The following NRXN2 variants were observed in gnomAD, a reference collection of about 807,000 sequenced individuals.
NRXN2 encodes the protein neurexin-2-beta.
A neutral mutation model predicts 128.8 loss-of-function variants in NRXN2; 29 were observed. That is an observed-to-expected ratio of 0.23 (90% CI 0.17 to 0.31). The LOEUF is 0.31. Among genes scored for constraint, NRXN2 ranks in the 10% least tolerant of loss-of-function variants. NRXN2 has a pLI of 1.00. For missense variants in NRXN2, 1,881 were observed against 2,452.6 expected (o/e 0.77, Z 4.92); for synonymous variants, 1,098 against 1,075.2 (o/e 1.02, Z -0.41).
At position 64,609,761 on chromosome 11, in the gene NRXN2, G is replaced by A. The variant is rs188654588; in HGVS notation, c.4253-1679C>T. Among the ~76,000 whole-genome samples, 483 of 152,280 alleles carry A rather than the reference G, an allele frequency of 3.2e-3. 5 individuals carry two copies. The highest frequency in any genetic ancestry group is 2.2e-3 in the Non-Finnish European group (148 of 68,008). On this transcript the variant is annotated intron_variant, in intron 22 of 22. Transcript: ENST00000265459. ...CAGGGGCACCTCTGGGCCTGACGAG[G>A]GTTGGAGGTTTCCTCTCTGGCTCTC...
chr11:64,713,459 G>T lies in NRXN2; in HGVS notation c.241C>A (p.Leu81Met). ...DGGDCDFLEL[L>M]LVDGRLRLRF... ...AGCCGCAGGCGGCCGTCCACCAGCA[G>T]CAGCTCCAGGAAGTCGCAGTCGCCG... The change falls in exon 2 of 23, where the codon CTG becomes ATG. Residue 81 changes from leucine (L) to methionine (M), a missense_variant. By Grantham distance (15) the Leu-to-Met change is conservative. Transcript: ENST00000265459. The T allele has an allele frequency of 6.5e-7, 1 of 1,529,048 alleles. No homozygotes were observed. The allele number at this position is 1,529,048 out of a possible 1,614,324, so 94.7% of individuals were successfully genotyped here. A position where few individuals can be genotyped will look rare whatever the true frequency, so the allele number is the denominator to read the frequency against.
intron 2 of NRXN2, among the ~76,000 whole-genome samples, chr11:64,701,516 A>C (rs2055352322): frequency 6.6e-6 from 1 of 152,092 alleles, no homozygotes; most frequent in African/African-American, 2.4e-5. Flanking sequence ...CGGTGGGAGG[A>C]TCACTTGAGC....
intron 17 of NRXN2, chr11:64,642,861 G>C (rs1257251084): frequency 2.9e-6 from 3 of 1,038,036 alleles, no homozygotes; most frequent in Non-Finnish European, 2.3e-6. Context: ...ACGCGGGGCT[G>C]CGCAGCCCCG....
intron 1 of NRXN2, among the ~76,000 whole-genome samples, chr11:64,722,157 G>A (rs1015091574): frequency 6.6e-6 from 1 of 151,978 alleles, no homozygotes. Context: ...CTTTAGGGGT[G>A]GGGGAGCAAG....
At chr11:64,707,030 C>T (rs1203349329) in intron 2 of NRXN2, among the ~76,000 whole-genome samples, 6 of 149,754 alleles carry the variant, frequency 4.0e-5, no homozygotes, top group Non-Finnish European at 5.9e-5. Flanking sequence ...CAGCTCACTG[C>T]GACCTCCACC....
intron 18 of NRXN2, among the ~76,000 whole-genome samples, chr11:64,634,901 G>T (rs764824089): frequency 6.6e-6 from 1 of 152,200 alleles, no homozygotes; most frequent in Non-Finnish European, 1.5e-5. Context: ...GAGTGAGCAG[G>T]CAGCAGCCCA....
rs1196377117 is a variant in NRXN2 at position 64,688,774 on chromosome 11, G to C, written c.850+1631C>G. 5 of 985,228 alleles carry C rather than the reference G, an allele frequency of 5.1e-6. 1 individual carries two copies. Among genetic ancestry groups the C allele is most frequent in the Non-Finnish European group, 1.2e-6 (1 of 829,926 alleles). The allele number at this position is 985,228 out of a possible 1,614,324, so 61.0% of individuals were successfully genotyped here. ...GCTAGAGACTAGTTGTTGTGGTCCT[G>C]CATTTCTGAGAACCATGCATGAGGG... is the stretch of plus-strand genomic sequence containing the variant. On this transcript the variant is annotated intron_variant, in intron 5 of 22. Transcript: ENST00000265459.
In NRXN2 at chr11:64,651,979, G is replaced by A; in HGVS notation, c.2536+56C>T. ...CAGGCAGTAGTCACCAAGTAGAACA[G>A]GGCCAAGCATAGGTCACTGGAGATG... On this transcript the variant is annotated intron_variant, in intron 13 of 22. Transcript: ENST00000265459. This position sits in a 1 kb window ranked among gnomAD's most constrained non-coding sequence, Gnocchi z 5.9. 6.2e-7 allele frequency: 1 copy of A among 1,603,112 alleles called. No homozygotes were observed. The highest frequency in any genetic ancestry group is 8.5e-7 in the Non-Finnish European group (1 of 1,179,584).
chr11:64,668,754 G>C (rs1343830123), intron 7 of NRXN2, 150 bp from the exon 8 acceptor site: 1 of 814,384 alleles, frequency 1.2e-6, no homozygotes, highest in Middle Eastern at 2.4e-4. Context: ...GAGGAACAGT[G>C]GGGGAAGAGA....
At chr11:64,719,495 G>A (rs1344012414) in intron 1 of NRXN2, among the ~76,000 whole-genome samples, 1 of 152,208 alleles carries the variant, frequency 6.6e-6, no homozygotes, top group Non-Finnish European at 1.5e-5. Flanking sequence ...TCTGCAGGTC[G>A]CCAAGCAGCT....
intron 7 of NRXN2, among the ~76,000 whole-genome samples, chr11:64,670,453 TCAGGGATAAGA>T (rs1310460769): frequency 2.0e-5 from 3 of 151,868 alleles, no homozygotes; most frequent in South Asian, 4.2e-4. Flanking sequence ...GGATGAAAGG[TCAGGGATAAGA>T]CAGGGAGTGG....
intron 3 of NRXN2, 22 bp from the exon 4 acceptor site, chr11:64,692,898 A>C: frequency 6.4e-7 from 1 of 1,570,022 alleles, no homozygotes; most frequent in Non-Finnish European, 8.8e-7. Context: ...GAAGGAGAGA[A>C]AGAAAGAAAG....
Position 64,667,798 on chromosome 11 carries a change from C to A in NRXN2, c.1360-110G>T. ...GACCCAGCCACCCACCCCTGTAGCC[C>A]CTGCTCAGTTCCACCAGACCACCCG... On this transcript the variant is annotated intron_variant, in intron 8 of 22. Coordinates refer to ENST00000265459, the MANE Select transcript of NRXN2 (RefSeq NM_015080.4). The surrounding 1 kb of genome is among the most constrained non-coding windows in gnomAD (Gnocchi z 5.6). 1 of 1,004,862 alleles carries A rather than the reference C, an allele frequency of 1.0e-6. No homozygotes were observed. 62.2% of individuals were successfully genotyped at this position (1,004,862 alleles called of 1,614,324 possible). A position where few individuals can be genotyped will look rare whatever the true frequency, so the allele number is the denominator to read the frequency against.
intron 2 of NRXN2, chr11:64,712,725 G>T: frequency 1.5e-6 from 1 of 657,250 alleles, no homozygotes; most frequent in East Asian, 3.1e-5. Context: ...GCTGCCCACA[G>T]GTCGCCGCAG....
At chr11:64,653,774 C>CA (rs921482324) in intron 11 of NRXN2, 52 bp from the exon 12 acceptor site, 1 of 1,319,858 alleles carries the variant, frequency 7.6e-7, no homozygotes, top group Non-Finnish European at 1.1e-6. Flanking sequence ...AAAGGTAAAA[C>CA]AAGTTTTTTT....
chr11:64,651,382 G>C lies in NRXN2; in HGVS notation c.2791C>G (p.Leu931Val). Reference sequence around the variant, plus strand: ...GAAGCATAGGCTTGGAGCGTGGCGAGTGCCAGGTAGCTGCTGCGACTCTTG... The same window carrying C: ...GAAGCATAGGCTTGGAGCGTGGCGACTGCCAGGTAGCTGCTGCGACTCTTG... ...TFKSRSSYLA[L>V]ATLQAYASMH... The change falls in exon 14 of 23, where the codon CTC (leucine) becomes GTC (valine). Residue 931 changes from leucine to valine, a missense_variant. Physicochemically the swap from Leu to Val is conservative, Grantham distance 32 (BLOSUM62 1). Transcript: ENST00000265459. This position sits in a 1 kb window ranked among gnomAD's most constrained non-coding sequence, Gnocchi z 5.9. The C allele has an allele frequency of 6.2e-7, 1 of 1,614,200 alleles. No homozygotes were observed. The highest frequency in any genetic ancestry group is 8.5e-7 in the Non-Finnish European group (1 of 1,180,016).
rs923238381 is a variant in NRXN2 at position 64,697,583 on chromosome 11, C to T, written c.748+192G>A. Among the ~76,000 whole-genome samples, 4 of 152,092 alleles carry T rather than the reference C, an allele frequency of 2.6e-5. No individual in the cohort carries two copies. The East Asian group carries it at 7.7e-4, about 29-fold the overall frequency. The stretch of plus-strand genomic sequence containing the variant: ...GAAGAAGAAAGGCCAGTCAGCAGCT[C>T]CCCCGAAACTCATGAAGAGGGGACG... On this transcript the variant is annotated intron_variant, in intron 3 of 22. Transcript: ENST00000265459.
rs1191009554 is a variant in NRXN2, at chr11:64,642,944, T to C, written c.3403+5275A>G. Reference sequence around the variant, plus strand: ...GCGGAGGTAAACCAGGGCCCAAGCCTCGGTCCGGAGCCAACAAAATCAACT... The same window carrying C: ...GCGGAGGTAAACCAGGGCCCAAGCCCCGGTCCGGAGCCAACAAAATCAACT... On this transcript the variant is annotated intron_variant, in intron 17 of 22. Coordinates refer to ENST00000265459, the MANE Select transcript of NRXN2 (RefSeq NM_015080.4). The C allele has an allele frequency of 1.1e-5, 11 of 1,021,110 alleles. No individual in the cohort carries two copies. In the African/African-American group the frequency reaches 1.9e-4, roughly 18 times the overall value. 63.3% of individuals were successfully genotyped at this position (1,021,110 alleles called of 1,614,324 possible).
chr11:64,681,116 TAA>T (rs555728992), intron 6 of NRXN2, among the ~76,000 whole-genome samples: 3 of 118,046 alleles, frequency 2.5e-5, no homozygotes, highest in African/African-American at 3.0e-5. Flanking sequence ...AAAAAAAAAG[TAA>T]AAAAAAAAAA....
Sources: allele counts gnomAD v4.1 joint callset (sites outside exome capture counted in the v4.1 genomes callset), GRCh38; gene constraint gnomAD v4.1.1; non-coding constraint Gnocchi (gnomAD v3.1); transcripts MANE v1.5; gene names NCBI Gene and HGNC (gene_info 2026-07-23, HGNC 2026-07-21).